Variants in AFF1 observed in about 807,000 individuals in gnomAD.
AFF1 encodes AF4/FMR2 family member 1.
Under a neutral mutation model 121.7 loss-of-function variants are expected in AFF1, and 48 were observed. The ratio of observed to expected loss-of-function variants is 0.39; its 90% CI spans 0.31 to 0.50. AFF1 has a LOEUF of 0.50. Among genes scored for constraint, AFF1 ranks in the 20% least tolerant of loss-of-function variants. AFF1 has a pLI of 0.76. For missense variants in AFF1, 1,523 were observed against 1,511.7 expected, an observed-to-expected ratio of 1.01 and a Z score of -0.12; for synonymous variants, 613 against 563.0, an observed-to-expected ratio of 1.09 and a Z score of -1.26.
chr4:86,951,236 G>A (rs548122809), intron 2 of AFF1, among the ~76,000 whole-genome samples: 3 of 152,144 alleles, frequency 2.0e-5, no homozygotes, highest in Admixed American at 2.0e-4. Context: ...TTCCCAATTG[G>A]TGTGCCATCA....
intron 2 of AFF1, among the ~76,000 whole-genome samples, chr4:87,036,033 A>G (rs1488716141): frequency 6.6e-6 from 1 of 152,108 alleles, no homozygotes; most frequent in East Asian, 1.9e-4. Context: ...CCTAGTACAG[A>G]CCAGAAGAGC....
In AFF1 at chr4:87,111,107, A is replaced by C. The variant is rs1181788209; in HGVS notation, c.1533+2792A>C. 2.4e-5 allele frequency among the ~76,000 whole-genome samples: 2 copies of C among 82,578 alleles called. 1 individual carries two copies. Among genetic ancestry groups the C allele is most frequent in the Non-Finnish European group, 5.2e-5 (2 of 38,800 alleles). 54.2% of individuals were successfully genotyped at this position (82,578 alleles called of 152,430 possible). A position where few individuals can be genotyped will look rare whatever the true frequency, so the allele number is the denominator to read the frequency against. ...ACTGCAAGCTCCGCCTCCCGGGTTC[A>C]CGCCATTCTCCTGCCTCAGCCTCCC... On this transcript the variant is annotated intron_variant, in intron 11 of 20. Transcript: ENST00000395146.
chr4:87,011,897 ATC>A (rs910211071), intron 2 of AFF1, among the ~76,000 whole-genome samples: 5 of 152,206 alleles, frequency 3.3e-5, no homozygotes, highest in African/African-American at 1.2e-4. Context: ...AACTCAAGTG[ATC>A]TCTCGAGATT....
At position 87,046,161 on chromosome 4, in the gene AFF1, A is replaced by G; in HGVS notation, c.39-5A>G. On this transcript the variant is annotated splice_polypyrimidine_tract_variant and splice_region_variant and intron_variant, in intron 2 of 20. Transcript: ENST00000395146. ...GTTTTCATTCTTTTGTGGCATCTGA[A>G]ACAGTTTGTACAATGACGACAGAAA... 1.2e-6 allele frequency: 2 copies of G among 1,609,182 alleles called. No individual in the cohort carries two copies. The highest frequency in any genetic ancestry group is 8.5e-7 in the Non-Finnish European group (1 of 1,178,842).
Position 86,980,902 on chromosome 4 carries a change from T to C in AFF1, c.38+32331T>C, listed in dbSNP as rs530391211. 8.7e-5 allele frequency among the ~76,000 whole-genome samples: 13 copies of C among 148,590 alleles called. No homozygotes were observed. The East Asian group carries it at 2.6e-3, about 30-fold the overall frequency. Reference sequence around the variant, plus strand: ...AAAAGTTGAAAGTAATGGCCAGGTGTGGTGGCTCACGCCTATAATCCCAGC... The same window carrying C: ...AAAAGTTGAAAGTAATGGCCAGGTGCGGTGGCTCACGCCTATAATCCCAGC... On this transcript the variant is annotated intron_variant, in intron 2 of 20. Coordinates refer to ENST00000395146, the MANE Select transcript of AFF1 (RefSeq NM_001166693.3).
At chr4:86,956,868 C>T (rs1721780274) in intron 2 of AFF1, among the ~76,000 whole-genome samples, 1 of 151,984 alleles carries the variant, frequency 6.6e-6, no homozygotes, top group Non-Finnish European at 1.5e-5. Context: ...AGCAATGTTC[C>T]ACATATGTTT....
chr4:86,971,453 G>T (rs1722941345), intron 2 of AFF1, among the ~76,000 whole-genome samples: 1 of 152,214 alleles, frequency 6.6e-6, no homozygotes, highest in Non-Finnish European at 1.5e-5. Context: ...AGGTGGGAAT[G>T]CACCCATACA....
At chr4:87,065,399 G>T (rs1238335328) in intron 4 of AFF1, among the ~76,000 whole-genome samples, 1 of 152,054 alleles carries the variant, frequency 6.6e-6, no homozygotes, top group Non-Finnish European at 1.5e-5. Flanking sequence ...TTCAAGATGA[G>T]ATTTGGGTGG....
chr4:86,962,145 CTTTTTTTTTTT>C (rs3035474), intron 2 of AFF1, among the ~76,000 whole-genome samples: 1 of 122,580 alleles, frequency 8.2e-6, no homozygotes, highest in African/African-American at 3.0e-5. Flanking sequence ...GTTATTGTTT[CTTTTTTTTTTT>C]TTTTTTTTTC....
chr4:86,969,875 G>A (rs113293882), intron 2 of AFF1, among the ~76,000 whole-genome samples: 3,944 of 15,978 alleles, frequency 0.25, 257 homozygotes, highest in African/African-American at 0.34. Context: ...GCGAGACTCC[G>A]TCTCAAAAAA....
intron 2 of AFF1, among the ~76,000 whole-genome samples, chr4:87,042,904 C>T (rs1310348374): frequency 6.6e-6 from 1 of 152,170 alleles, no homozygotes; most frequent in Admixed American, 6.5e-5. Context: ...ATGGGAGAAA[C>T]CCAACTGATG....
In AFF1 at chr4:87,115,073, C is replaced by A; in HGVS notation, c.2240C>A (p.Pro747Gln). ...GAGGACAGCCGCAAAGACAGACTCC[C>A]ATTGCCTTTGAGAGACACCAAGCTG... Reference protein sequence around the residue: ...VQEDSRKDRLPLPLRDTKLLS... With the variant: ...VQEDSRKDRLQLPLRDTKLLS... The change falls in exon 12 of 21, where the codon CCA becomes CAA. Residue 747 changes from proline (P) to glutamine (Q), a missense_variant. Physicochemically the swap from Pro to Gln is moderately conservative, Grantham distance 76. This residue lies in a region of AFF1 where 905 missense variants were observed against 842.5 expected (regional missense o/e 1.07). Coordinates refer to ENST00000395146, the MANE Select transcript of AFF1 (RefSeq NM_001166693.3). 6.2e-7 allele frequency: 1 copy of A among 1,614,174 alleles called. No homozygotes were observed. Among genetic ancestry groups the A allele is most frequent in the Non-Finnish European group, 8.5e-7 (1 of 1,180,034 alleles).
chr4:87,046,371 G>A (rs1439780309), intron 3 of AFF1, 85 bp downstream of exon 3: 7 of 1,488,640 alleles, frequency 4.7e-6, no homozygotes, highest in African/African-American at 4.2e-5. Flanking sequence ...AATTGAGTTC[G>A]AACAAGGGTC....
rs183917811 is a variant in AFF1, at chr4:87,047,745, G to A, written c.1059+151G>A. 500 of 1,010,278 alleles carry A rather than the reference G, an allele frequency of 4.9e-4. No homozygotes were observed. In the African/African-American group the frequency reaches 6.3e-3, roughly 13 times the overall value. The allele number at this position is 1,010,278 out of a possible 1,614,324, so 62.6% of individuals were successfully genotyped here. Reference sequence around the variant, plus strand: ...GGCTTTAGGATCTTGTTAATAACCCGCGAAAAACTCAGATCTGAGATGGAC... The same window carrying A: ...GGCTTTAGGATCTTGTTAATAACCCACGAAAAACTCAGATCTGAGATGGAC... On this transcript the variant is annotated intron_variant, in intron 4 of 20. Coordinates refer to ENST00000395146, the MANE Select transcript of AFF1 (RefSeq NM_001166693.3).
Position 87,131,217 on chromosome 4 carries a change from TA to T in AFF1, c.3101del (p.Lys1034AsnfsTer3). On this transcript the variant is annotated frameshift_variant and splice_region_variant, in exon 17 of 21. Coordinates refer to ENST00000395146, the MANE Select transcript of AFF1 (RefSeq NM_001166693.3). LOFTEE classifies it high-confidence loss of function. The stretch of plus-strand genomic sequence containing the variant: ...TCTACTCAGAAACTGTAGATCTCAT[TA>T]AGTAAGTGCCGAGTCATTGTGCTTT... ...SVYSETVDLIKFIMSLKSFSD... is the reference protein window; with the variant it reads ...SVYSETVDLIXFIMSLKSFSD... 6.2e-7 allele frequency: 1 copy of T among 1,614,042 alleles called. No individual in the cohort carries two copies.
At chr4:86,946,802 A>G (rs1317086511) in intron 1 of AFF1, among the ~76,000 whole-genome samples, 2 of 151,942 alleles carry the variant, frequency 1.3e-5, no homozygotes, top group South Asian at 2.1e-4. Flanking sequence ...TAGCCACCCA[A>G]CAGCCCAACC....
chr4:86,946,069 T>A (rs184361401), intron 1 of AFF1, among the ~76,000 whole-genome samples: 1 of 152,290 alleles, frequency 6.6e-6, no homozygotes, highest in East Asian at 1.9e-4. Flanking sequence ...GATGTATCTG[T>A]AGTGCTCCTG....
rs751122820 is a variant in AFF1 at position 87,047,113 on chromosome 4, G to A, written c.578G>A (p.Cys193Tyr). Residue 193 changes from cysteine (C) to tyrosine (Y), a missense_variant, in exon 4 of 21, where the codon TGT (cysteine) becomes TAT (tyrosine). By Grantham distance (194) the Cys-to-Tyr change is radical. Coordinates refer to ENST00000395146, the MANE Select transcript of AFF1 (RefSeq NM_001166693.3). Reference sequence around the variant, plus strand: ...GACCGAAGAGCTGACGGAGACCACTGTGCTTCGGTGACAGATTCGGCTCCA... The same window carrying A: ...GACCGAAGAGCTGACGGAGACCACTATGCTTCGGTGACAGATTCGGCTCCA... The part of the protein sequence containing the change: ...KGDRRADGDH[C>Y]ASVTDSAPER... The A allele has an allele frequency of 3.1e-6, 5 of 1,614,052 alleles. No homozygotes were observed. Among genetic ancestry groups the A allele is most frequent in the Non-Finnish European group, 4.2e-6 (5 of 1,180,036 alleles).
At chr4:86,975,178 G>T (rs915507849) in intron 2 of AFF1, among the ~76,000 whole-genome samples, 4 of 151,932 alleles carry the variant, frequency 2.6e-5, no homozygotes, top group Admixed American at 1.3e-4. Flanking sequence ...CTGTGTTTCT[G>T]ACCATATTGG....
Sources: gnomAD v4.1 joint callset for allele counts (sites outside exome capture counted in the v4.1 genomes callset) on GRCh38, gnomAD v4.1.1 for gene constraint, gnomAD v4.1.1 regional missense constraint, MANE v1.5 for transcripts, NCBI Gene and HGNC (gene_info 2026-07-23, HGNC 2026-07-21) for gene names.